Variants in SYNE1 observed in about 807,000 individuals in gnomAD.
SYNE1 encodes nesprin-1.
SYNE1 carries 616 observed loss-of-function variants against 1,111.0 expected under a neutral mutation model. The observed-to-expected ratio is 0.55, with a 90% confidence interval of 0.52 to 0.59. SYNE1 has a LOEUF of 0.59. Ranked by LOEUF, SYNE1 falls within the 20% of genes least tolerant of loss-of-function variation. SYNE1 has a pLI of 0.00. For missense variants in SYNE1, 10,006 were observed against 10,417.0 expected (o/e 0.96, Z 1.72); for synonymous variants, 3,855 against 3,825.8 (o/e 1.01, Z -0.28).
chr6:152,250,277 AT>A (rs1234252732), intron 104 of SYNE1, among the ~76,000 whole-genome samples: 7 of 152,046 alleles, frequency 4.6e-5, no homozygotes, highest in Non-Finnish European at 1.0e-4. Context: ...TACCAAAAAA[AT>A]GTATTTTTTT....
At chr6:152,407,996 G>A (rs2097928881) in intron 44 of SYNE1, among the ~76,000 whole-genome samples, 1 of 151,744 alleles carries the variant, frequency 6.6e-6, no homozygotes, top group Admixed American at 6.6e-5. Flanking sequence ...CTCCTGACCT[G>A]AAGTGATCTG....
intron 128 of SYNE1, among the ~76,000 whole-genome samples, chr6:152,183,947 GACTA>G (rs1325571547): frequency 1.5e-5 from 1 of 68,302 alleles, no homozygotes; most frequent in Non-Finnish European, 3.4e-5. Context: ...ATCCATCACT[GACTA>G]ACTGCATGAT....
At position 152,381,324 on chromosome 6, in the gene SYNE1, G is replaced by A. The variant is rs368356217; in HGVS notation, c.8691C>T (p.Leu2897=). Residue 2897 remains leucine (L), a synonymous_variant, in exon 56 of 146, where the codon CTC becomes CTT. Coordinates refer to ENST00000367255, the MANE Select transcript of SYNE1 (RefSeq NM_182961.4). The stretch of plus-strand genomic sequence containing the variant: ...CGGGAGCCAGCGACTCCACTCTGCT[G>A]AGACGGCTTGCACCAATCTCTCTGG... The part of the protein sequence containing the change: ...IDSREIGASR[L]SRVESLAPEV... 48 of 1,613,906 alleles carry A rather than the reference G, an allele frequency of 3.0e-5. No homozygotes were observed. Among genetic ancestry groups the A allele is most frequent in the Non-Finnish European group, 4.0e-5 (47 of 1,180,052 alleles).
At chr6:152,252,554 G>T (rs2089643607) in intron 104 of SYNE1, among the ~76,000 whole-genome samples, 1 of 152,188 alleles carries the variant, frequency 6.6e-6, no homozygotes, top group Non-Finnish European at 1.5e-5. Flanking sequence ...ATAGAATAAT[G>T]TTAGCAGTCT....
At chr6:152,500,818 G>T (rs1418928314) in intron 10 of SYNE1, among the ~76,000 whole-genome samples, 3 of 151,900 alleles carry the variant, frequency 2.0e-5, no homozygotes, top group Non-Finnish European at 2.9e-5. Context: ...GGGCGTGGTG[G>T]CGGGCGCCTG....
At chr6:152,366,457 T>C (rs2097081645) in intron 62 of SYNE1, among the ~76,000 whole-genome samples, 1 of 151,784 alleles carries the variant, frequency 6.6e-6, no homozygotes, top group Non-Finnish European at 1.5e-5. Flanking sequence ...AGTTCAGGAG[T>C]TCAAGACCAG....
At chr6:152,247,231 T>C (rs1290232618) in intron 105 of SYNE1, among the ~76,000 whole-genome samples, 2 of 152,190 alleles carry the variant, frequency 1.3e-5, no homozygotes, top group African/African-American at 4.8e-5. Flanking sequence ...AGGTGTGTCT[T>C]CCCCATGCCC....
intron 101 of SYNE1, among the ~76,000 whole-genome samples, chr6:152,259,200 A>T (rs1409033243): frequency 2.0e-5 from 3 of 152,158 alleles, no homozygotes; most frequent in African/African-American, 7.2e-5. Flanking sequence ...TACCGATCAT[A>T]GCAACTTTTG....
intron 14 of SYNE1, among the ~76,000 whole-genome samples, chr6:152,476,616 G>T (rs2098836315): frequency 2.0e-5 from 3 of 152,154 alleles, no homozygotes. Flanking sequence ...GCTTATGCGT[G>T]TAATTCCAGC....
chr6:152,405,959 A>G (rs1167034998), intron 45 of SYNE1, among the ~76,000 whole-genome samples: 1 of 152,036 alleles, frequency 6.6e-6, no homozygotes, highest in Non-Finnish European at 1.5e-5. Context: ...CACTTTTATC[A>G]TAGCCCAATT....
intron 121 of SYNE1, among the ~76,000 whole-genome samples, chr6:152,217,406 A>G: frequency 1.7e-5 from 2 of 120,900 alleles, no homozygotes; most frequent in Admixed American, 8.2e-5. Flanking sequence ...AAAAAAAAAA[A>G]AAGAAAAAAA....
chr6:152,230,845 G>A lies in SYNE1; in HGVS notation c.21040-143C>T, dbSNP rs1041555595. On this transcript the variant is annotated intron_variant, in intron 114 of 145. Coordinates refer to ENST00000367255, the MANE Select transcript of SYNE1 (RefSeq NM_182961.4). ...ATCGTATATATGATTTAAAACAGGGGTGTCTAATCTTTTGGCTTCCCTGGG... is the reference window on the plus strand; with the variant it reads ...ATCGTATATATGATTTAAAACAGGGATGTCTAATCTTTTGGCTTCCCTGGG... 10 of 969,664 alleles carry A rather than the reference G, an allele frequency of 1.0e-5. No individual in the cohort carries two copies. The East Asian group carries it at 2.2e-4, about 21-fold the overall frequency. The allele number at this position is 969,664 out of a possible 1,614,324, so 60.1% of individuals were successfully genotyped here.
chr6:152,244,414 A>T, intron 106 of SYNE1, 123 bp downstream of exon 106: 1 of 1,465,334 alleles, frequency 6.8e-7, no homozygotes. Context: ...GTTGCTTGGT[A>T]GAAAGGTTAG....
chr6:152,597,902 A>G (rs1368997020), intron 3 of SYNE1, among the ~76,000 whole-genome samples: 2 of 152,150 alleles, frequency 1.3e-5, no homozygotes, highest in African/African-American at 2.4e-5. Context: ...TTATAAATAC[A>G]TACATATTTT....
chr6:152,231,313 A>G, intron 114 of SYNE1, 78 bp downstream of exon 114: 1 of 1,522,926 alleles, frequency 6.6e-7, no homozygotes, highest in South Asian at 1.1e-5. Context: ...GCTACTTGTG[A>G]ACCCAGTCTT....
chr6:152,264,208 A>G (rs868370006), intron 100 of SYNE1, among the ~76,000 whole-genome samples: 645 of 19,624 alleles, frequency 0.033, 4 homozygotes, highest in Middle Eastern at 0.11. Context: ...CTCCATCTCA[A>G]AAAAAAAAAA....
At chr6:152,293,888 T>G in intron 94 of SYNE1, 72 bp downstream of exon 94, 1 of 1,610,740 alleles carries the variant, frequency 6.2e-7, no homozygotes, top group Non-Finnish European at 8.5e-7. Context: ...ACTCTCTGCA[T>G]GTATTTCATA....
Position 152,442,143 on chromosome 6 carries a change from G to T in SYNE1, c.3940C>A (p.Leu1314Met), listed in dbSNP as rs1267180395. ...GGLPDRGHEE[L>M]RKLESTLDGL... ...TCCAGTGTGCTCTCCAGCTTCCGCA[G>T]CTCCTCGTGGCCTCGGTCAGGCAGC... The change falls in exon 31 of 146, where the codon CTG (leucine) becomes ATG (methionine). Residue 1314 changes from leucine (L) to methionine (M), a missense_variant. This residue lies in a region of SYNE1 where 1,971 missense variants were observed against 2,084.1 expected (regional missense o/e 0.95). Coordinates refer to ENST00000367255, the MANE Select transcript of SYNE1 (RefSeq NM_182961.4). 5 of 1,613,704 alleles carry T rather than the reference G, an allele frequency of 3.1e-6. No individual in the cohort carries two copies. In the African/African-American group the frequency reaches 5.3e-5, roughly 17 times the overall value.
At position 152,231,581 on chromosome 6, in the gene SYNE1, G is replaced by A; in HGVS notation, c.20863-14C>T. The A allele has an allele frequency of 6.2e-7, 1 of 1,612,758 alleles. No homozygotes were observed. The highest frequency in any genetic ancestry group is 1.1e-5 in the South Asian group (1 of 90,976). On this transcript the variant is annotated splice_polypyrimidine_tract_variant and intron_variant, in intron 113 of 145. Coordinates refer to ENST00000367255, the MANE Select transcript of SYNE1 (RefSeq NM_182961.4). ...TATCTTAAAACCCTAAAAAAAAAGA[G>A]GAGAAAATAAGATTATACAATAAAT...
Sources: gnomAD v4.1 joint callset for allele counts (sites outside exome capture counted in the v4.1 genomes callset) on GRCh38, gnomAD v4.1.1 for gene constraint, gnomAD v4.1.1 regional missense constraint, MANE v1.5 for transcripts, NCBI Gene and HGNC (gene_info 2026-07-23, HGNC 2026-07-21) for gene names.